The following NCOA1 variants were observed in gnomAD, a reference collection of about 807,000 sequenced individuals.
NCOA1 encodes the protein nuclear receptor coactivator 1.
A neutral mutation model predicts 150.9 loss-of-function variants in NCOA1; 35 were observed. The observed-to-expected ratio is 0.23, with a 90% CI of 0.18 to 0.31. The LOEUF is 0.31. NCOA1 is among the 10% of genes least tolerant of loss of function. NCOA1 has a pLI of 1.00. For synonymous variants in NCOA1, 590 were observed against 630.0 expected (o/e 0.94, Z 0.95); for missense variants, 1,491 against 1,749.3 (o/e 0.85, Z 2.63).
At chr2:24,586,428 T>G (rs1175442565) in intron 3 of NCOA1, among the ~76,000 whole-genome samples, 3 of 152,024 alleles carry the variant, frequency 2.0e-5, no homozygotes, top group Non-Finnish European at 4.4e-5. Flanking sequence ...CCTCTCTTGC[T>G]CAGGCTGGAG....
At chr2:24,688,583 C>T (rs1672519083) in intron 8 of NCOA1, among the ~76,000 whole-genome samples, 1 of 152,092 alleles carries the variant, frequency 6.6e-6, no homozygotes, top group Non-Finnish European at 1.5e-5. Flanking sequence ...GTCCTTTGCC[C>T]ACTTTTTAAT....
At chr2:24,754,683 T>C (rs1664415748) in intron 20 of NCOA1, among the ~76,000 whole-genome samples, 1 of 152,258 alleles carries the variant, frequency 6.6e-6, no homozygotes, top group African/African-American at 2.4e-5. Flanking sequence ...TGATTAACAC[T>C]TGACATACTG....
intron 1 of NCOA1, among the ~76,000 whole-genome samples, chr2:24,552,303 C>T (rs1176525386): frequency 8.9e-6 from 1 of 112,018 alleles, no homozygotes. Flanking sequence ...TTTGATTTCT[C>T]ACTGTGCTTC....
intron 8 of NCOA1, among the ~76,000 whole-genome samples, chr2:24,684,766 A>C (rs924747872): frequency 6.6e-6 from 1 of 152,198 alleles, no homozygotes; most frequent in Non-Finnish European, 1.5e-5. Flanking sequence ...GTAATAATAG[A>C]ATAGATCACC....
intron 11 of NCOA1, among the ~76,000 whole-genome samples, chr2:24,699,222 T>C (rs1354746919): frequency 2.0e-5 from 3 of 152,176 alleles, no homozygotes; most frequent in Non-Finnish European, 4.4e-5. Flanking sequence ...TTATGGTACT[T>C]TTGATTTTTG....
intron 1 of NCOA1, among the ~76,000 whole-genome samples, chr2:24,506,763 C>T (rs182165701): frequency 5.3e-5 from 8 of 152,134 alleles, no homozygotes; most frequent in African/African-American, 1.9e-4. Flanking sequence ...TTAAAAAAAC[C>T]TAGAAACAGC....
At chr2:24,730,984 GC>G (rs1327181969) in intron 17 of NCOA1, among the ~76,000 whole-genome samples, 3 of 147,846 alleles carry the variant, frequency 2.0e-5, no homozygotes, top group African/African-American at 7.5e-5. Context: ...GTTGCAGCAA[GC>G]CGAGATTGTG....
intron 1 of NCOA1, among the ~76,000 whole-genome samples, chr2:24,550,106 T>C (rs200920972): frequency 2.0e-5 from 3 of 152,198 alleles, no homozygotes; most frequent in Non-Finnish European, 2.9e-5. Flanking sequence ...ATTGTCCTTA[T>C]CATTATCAGC....
At chr2:24,658,393 T>C (rs576202854) in intron 4 of NCOA1, among the ~76,000 whole-genome samples, 1 of 152,378 alleles carries the variant, frequency 6.6e-6, no homozygotes, top group East Asian at 1.9e-4. Context: ...TTAATTATTC[T>C]AACCATGTTT....
chr2:24,503,837 C>T (rs183247053), intron 1 of NCOA1, among the ~76,000 whole-genome samples: 3 of 150,710 alleles, frequency 2.0e-5, no homozygotes, highest in African/African-American at 4.9e-5. Context: ...TGGGTTCAAG[C>T]GATTCTCCTG....
chr2:24,508,704 G>A (rs1663809039), intron 1 of NCOA1, among the ~76,000 whole-genome samples: 1 of 152,092 alleles, frequency 6.6e-6, no homozygotes, highest in Non-Finnish European at 1.5e-5. Flanking sequence ...CTGGATTGCA[G>A]TTTGGTTAAA....
rs147606146 is a variant in NCOA1 at position 24,500,686 on chromosome 2, G to A, written c.-396+9084G>A. 1.3e-4 allele frequency among the ~76,000 whole-genome samples: 20 copies of A among 152,314 alleles called. No homozygotes were observed. In the East Asian group the frequency reaches 3.5e-3, roughly 26 times the overall value. The stretch of plus-strand genomic sequence containing the variant: ...ATCTAACTTAAAGATGACTTACTCA[G>A]TATTTTTTCACAAAAAGACAAATGT... On this transcript the variant is annotated intron_variant, in intron 1 of 22. Transcript: ENST00000348332.
chr2:24,581,828 A>T (rs1238291903), intron 2 of NCOA1, among the ~76,000 whole-genome samples: 4 of 152,218 alleles, frequency 2.6e-5, no homozygotes, highest in Admixed American at 6.5e-5. Flanking sequence ...AAAGTGATTC[A>T]TCATATCAAC....
At position 24,492,993 on chromosome 2, in the gene NCOA1, A is replaced by G. The variant is rs182330696; in HGVS notation, c.-396+1391A>G. Among the ~76,000 whole-genome samples the G allele has an allele frequency of 1.1e-4, 16 of 151,374 alleles. No individual in the cohort carries two copies. In the East Asian group the frequency reaches 1.5e-3, roughly 15 times the overall value. ...AAAAAAAGCAAACAAAACAACAACAATAACAACGAAAGTTGGCCAGAGGGG... is the reference window on the plus strand; with the variant it reads ...AAAAAAAGCAAACAAAACAACAACAGTAACAACGAAAGTTGGCCAGAGGGG... On this transcript the variant is annotated intron_variant, in intron 1 of 22. Transcript: ENST00000348332.
chr2:24,682,015 C>T (rs560265226), intron 7 of NCOA1, among the ~76,000 whole-genome samples: 1 of 152,188 alleles, frequency 6.6e-6, no homozygotes, highest in African/African-American at 2.4e-5. Context: ...CGCCCGGCCC[C>T]GTGGCCTTTT....
chr2:24,553,224 C>CTT (rs1316810810), intron 1 of NCOA1, among the ~76,000 whole-genome samples: 1 of 138,110 alleles, frequency 7.2e-6, no homozygotes, highest in Non-Finnish European at 1.6e-5. Context: ...CAAATGCCTT[C>CTT]TTTTTTTTTT....
At chr2:24,756,123 A>G (rs12615105) in intron 20 of NCOA1, among the ~76,000 whole-genome samples, 11,206 of 150,916 alleles carry the variant, frequency 0.074, 504 homozygotes, top group African/African-American at 0.12. Context: ...GCGTGATGGC[A>G]CACGCCTGTA....
At chr2:24,635,547 C>T (rs529745329) in intron 3 of NCOA1, among the ~76,000 whole-genome samples, 10 of 152,256 alleles carry the variant, frequency 6.6e-5, no homozygotes, top group East Asian at 1.9e-4. Context: ...ATTTGGCAAA[C>T]GTAGTAAAGT....
Position 24,493,040 on chromosome 2 carries a change from G to T in NCOA1, c.-396+1438G>T, listed in dbSNP as rs957007588. 2.6e-4 allele frequency among the ~76,000 whole-genome samples: 39 copies of T among 151,928 alleles called. 1 individual carries two copies. The highest frequency in any genetic ancestry group is 2.5e-3 in the Admixed American group (38 of 15,272). On this transcript the variant is annotated intron_variant, in intron 1 of 22. Transcript: ENST00000348332. ...GGGGCCTCCTATGATGTTGTAGGAAGGGGGTCGGATTTCTTCATGTTGAGA... is the reference window on the plus strand; with the variant it reads ...GGGGCCTCCTATGATGTTGTAGGAATGGGGTCGGATTTCTTCATGTTGAGA...
Sources: gnomAD v4.1 joint callset for allele counts (sites outside exome capture counted in the v4.1 genomes callset) on GRCh38, gnomAD v4.1.1 for gene constraint, MANE v1.5 for transcripts, NCBI Gene and HGNC (gene_info 2026-07-23, HGNC 2026-07-21) for gene names.